WASF3: variants seen among roughly 807,000 people sequenced by gnomAD.
The protein encoded by WASF3 is actin-binding protein WASF3.
WASF3 carries 11 observed loss-of-function variants against 46.6 expected under a neutral mutation model. The observed-to-expected ratio is 0.24, with a 90% CI of 0.15 to 0.39. The LOEUF is 0.39. Among genes scored for constraint, WASF3 ranks in the 10% least tolerant of loss-of-function variants. The pLI is 1.00. For synonymous variants in WASF3, 242 were observed against 259.7 expected, an observed-to-expected ratio of 0.93 and a Z score of 0.65; for missense variants, 576 against 669.8, an observed-to-expected ratio of 0.86 and a Z score of 1.55.
In WASF3 at chr13:26,644,335, T is replaced by G. The variant is rs550616422; in HGVS notation, c.133+1932T>G. Among the ~76,000 whole-genome samples, 9 of 152,372 alleles carry G rather than the reference T, an allele frequency of 5.9e-5. 1 individual carries two copies. The South Asian group carries it at 1.9e-3, about 32-fold the overall frequency. On this transcript the variant is annotated intron_variant, in intron 3 of 9. Coordinates refer to ENST00000335327, the MANE Select transcript of WASF3 (RefSeq NM_006646.6). ...TAATTGGTGTTATTTTAAGCTGTTATGTTTGTGGTAATTTGATACAACAGC... is the reference window on the plus strand; with the variant it reads ...TAATTGGTGTTATTTTAAGCTGTTAGGTTTGTGGTAATTTGATACAACAGC...
chr13:26,580,539 G>A (rs1381231227), intron 1 of WASF3, among the ~76,000 whole-genome samples: 1 of 151,532 alleles, frequency 6.6e-6, no homozygotes, highest in Non-Finnish European at 1.5e-5. Context: ...ATTTTTTGTT[G>A]CTTGTTGATA....
intron 2 of WASF3, among the ~76,000 whole-genome samples, chr13:26,624,244 A>G (rs915558130): frequency 2.0e-5 from 3 of 152,250 alleles, no homozygotes; most frequent in Non-Finnish European, 4.4e-5. Context: ...GTCTATATCA[A>G]CAGAAATAAG....
chr13:26,608,590 C>G (rs1224568844), intron 1 of WASF3, among the ~76,000 whole-genome samples: 2 of 152,102 alleles, frequency 1.3e-5, no homozygotes, highest in African/African-American at 4.8e-5. Flanking sequence ...TTTTGCCTCA[C>G]TTTCTATAAG....
intron 2 of WASF3, among the ~76,000 whole-genome samples, chr13:26,625,645 T>C (rs530952732): frequency 6.6e-6 from 1 of 152,186 alleles, no homozygotes; most frequent in Non-Finnish European, 1.5e-5. Context: ...GATCTTTTTT[T>C]ACTCAGTCCA....
At chr13:26,653,945 T>C (rs1356881665) in intron 3 of WASF3, among the ~76,000 whole-genome samples, 1 of 152,244 alleles carries the variant, frequency 6.6e-6, no homozygotes, top group Non-Finnish European at 1.5e-5. Flanking sequence ...TCTTAGCAAG[T>C]GGAAGCTCTC....
In WASF3 at chr13:26,682,812, C is replaced by G; in HGVS notation, c.1189C>G (p.Pro397Ala). Residue 397 changes from proline (P) to alanine (A), a missense_variant, in exon 9 of 10, where the codon CCC becomes GCC. By Grantham distance (27) the Pro-to-Ala change is conservative (BLOSUM62 -1). Transcript: ENST00000335327. This position sits in a 1 kb window ranked among gnomAD's most constrained non-coding sequence, Gnocchi z 4.4. The part of the protein sequence containing the change: ...STGLLVTAPP[P>A]PGPPPPPPGP... ...CGGGCTCCTGGTCACAGCCCCGCCA[C>G]CCCCGGGCCCACCACCTCCCCCGCC... 1.9e-6 allele frequency: 3 copies of G among 1,610,246 alleles called. No individual in the cohort carries two copies. The highest frequency in any genetic ancestry group is 2.5e-6 in the Non-Finnish European group (3 of 1,179,596).
chr13:26,589,417 T>C (rs1474985314), intron 1 of WASF3, among the ~76,000 whole-genome samples: 1 of 152,218 alleles, frequency 6.6e-6, no homozygotes, highest in Non-Finnish European at 1.5e-5. Flanking sequence ...AGAACTTTAC[T>C]GCAAATTGAG....
rs1233640819 is a variant in WASF3, at chr13:26,679,053, A to AT, written c.717-2000dup. On this transcript the variant is annotated intron_variant, in intron 7 of 9. Transcript: ENST00000335327. The surrounding 1 kb of genome is among the most constrained non-coding windows in gnomAD (Gnocchi z 4.8). ...CGGCCCTCCCGGCCCTCCTCCTCCC[A>AT]TCGTCCCCGGCCCTCCCAGTCCTCT... is the stretch of plus-strand genomic sequence containing the variant. Among the ~76,000 whole-genome samples the AT allele has an allele frequency of 7.3e-6, 1 of 136,706 alleles. No individual in the cohort carries two copies. The allele number at this position is 136,706 out of a possible 152,430, so 89.7% of individuals were successfully genotyped here.
chr13:26,666,621 T>C (rs1025539635), intron 4 of WASF3, among the ~76,000 whole-genome samples: 3 of 152,278 alleles, frequency 2.0e-5, no homozygotes, highest in East Asian at 3.9e-4. Flanking sequence ...ATGAGTTGGC[T>C]GGGCGCGGTG....
At chr13:26,613,905 C>G (rs1295552889) in intron 2 of WASF3, among the ~76,000 whole-genome samples, 3 of 152,116 alleles carry the variant, frequency 2.0e-5, no homozygotes, top group Non-Finnish European at 4.4e-5. Context: ...CTGTCTTACT[C>G]TAATTTTAAG....
chr13:26,621,402 C>T (rs900593320), intron 2 of WASF3, among the ~76,000 whole-genome samples: 5 of 152,128 alleles, frequency 3.3e-5, no homozygotes, highest in Admixed American at 1.3e-4. Context: ...GGAAAGTATG[C>T]CAGAGCTGGA....
intron 1 of WASF3, among the ~76,000 whole-genome samples, chr13:26,603,143 A>G (rs1880692033): frequency 6.6e-6 from 1 of 152,184 alleles, no homozygotes; most frequent in Non-Finnish European, 1.5e-5. Context: ...GTGGAGCTGC[A>G]GGTATAAGCT....
At chr13:26,680,278 C>T in intron 7 of WASF3, 1 of 1,443,642 alleles carries the variant, frequency 6.9e-7, no homozygotes, top group Non-Finnish European at 9.2e-7. Flanking sequence ...ATGTACAGCC[C>T]CTCCTGGCCA....
chr13:26,681,457 C>T (rs1883229314), intron 8 of WASF3, 137 bp downstream of exon 8: 1 of 1,059,390 alleles, frequency 9.4e-7, no homozygotes, highest in Admixed American at 3.0e-5. Context: ...ATACTAGCAA[C>T]TCTAACATTC....
upstream of WASF3, among the ~76,000 whole-genome samples, chr13:26,555,673 C>T (rs1879082178): frequency 6.6e-6 from 1 of 152,180 alleles, no homozygotes; most frequent in Non-Finnish European, 1.5e-5. Flanking sequence ...AGACAGAGAT[C>T]ACATGACAAG....
rs74040637 is a variant in WASF3 at position 26,642,610 on chromosome 13, C to T, written c.133+207C>T. On this transcript the variant is annotated intron_variant, in intron 3 of 9. Coordinates refer to ENST00000335327, the MANE Select transcript of WASF3 (RefSeq NM_006646.6). The stretch of plus-strand genomic sequence containing the variant: ...AGGCAATGAAGATGTGATGCTCTTA[C>T]CAACTCACAAATTATTAGATGAGAT... Among the ~76,000 whole-genome samples the T allele has an allele frequency of 6.5e-3, 987 of 152,256 alleles. 11 individuals carry two copies. The highest frequency in any genetic ancestry group is 0.023 in the African/African-American group (945 of 41,540).
intron 2 of WASF3, among the ~76,000 whole-genome samples, chr13:26,614,792 C>A (rs1408595043): frequency 1.3e-5 from 2 of 152,074 alleles, no homozygotes; most frequent in African/African-American, 4.8e-5. Flanking sequence ...TTGAGATAAC[C>A]AGGCAGATAT....
At chr13:26,602,115 C>CA (rs1337578931) in intron 1 of WASF3, among the ~76,000 whole-genome samples, 3 of 152,142 alleles carry the variant, frequency 2.0e-5, no homozygotes, top group African/African-American at 7.2e-5. Context: ...GCTTGAGACT[C>CA]AAACAGTACT....
intron 1 of WASF3, among the ~76,000 whole-genome samples, chr13:26,588,625 C>T (rs1037970401): frequency 6.6e-6 from 1 of 152,066 alleles, no homozygotes; most frequent in Admixed American, 6.6e-5. Context: ...TTGATCTTGT[C>T]GAACGTTTTG....
Sources: gnomAD v4.1 joint callset for allele counts (sites outside exome capture counted in the v4.1 genomes callset) on GRCh38, gnomAD v4.1.1 for gene constraint, Gnocchi (gnomAD v3.1) non-coding constraint, MANE v1.5 for transcripts, NCBI Gene and HGNC (gene_info 2026-07-23, HGNC 2026-07-21) for gene names.